Variants in TMEM117 observed in about 807,000 individuals in gnomAD.
The protein encoded by TMEM117 is transmembrane protein 117.
Under a neutral mutation model 52.4 loss-of-function variants are expected in TMEM117, and 27 were observed. The observed-to-expected ratio is 0.51, with a 90% CI of 0.38 to 0.71. TMEM117 has a LOEUF of 0.71. TMEM117 is among the 30% of genes least tolerant of loss of function. The pLI, the probability that TMEM117 is intolerant of heterozygous loss-of-function variation, is 0.00. For synonymous variants in TMEM117, 215 were observed against 206.3 expected, an observed-to-expected ratio of 1.04 and a Z score of -0.36; for missense variants, 556 against 630.5, an observed-to-expected ratio of 0.88 and a Z score of 1.26.
At chr12:44,217,936 A>G (rs1949738777) in intron 5 of TMEM117, among the ~76,000 whole-genome samples, 1 of 152,116 alleles carries the variant, frequency 6.6e-6, no homozygotes, top group South Asian at 2.1e-4. Context: ...AATACTAGCA[A>G]ACCAGGCTGG....
chr12:43,895,873 TATTTTCTAAACAGGCTCAAAAC>T (rs66720228), intron 2 of TMEM117, among the ~76,000 whole-genome samples: 108,962 of 152,068 alleles, frequency 0.72, 42,160 homozygotes, highest in East Asian at 0.87. Flanking sequence ...TGAATATTGT[TATTTTCTAAACAGGCTCAAAAC>T]ATTCTCATAA....
At chr12:43,872,301 G>A (rs1943719838) in intron 2 of TMEM117, among the ~76,000 whole-genome samples, 1 of 152,092 alleles carries the variant, frequency 6.6e-6, no homozygotes, top group African/African-American at 2.4e-5. Context: ...AGATTGGCTT[G>A]AAAACAATAT....
intron 5 of TMEM117, among the ~76,000 whole-genome samples, chr12:44,273,939 T>G (rs1223007801): frequency 5.0e-4 from 76 of 152,210 alleles, no homozygotes; most frequent in Admixed American, 5.0e-3. Context: ...TTCAACACTG[T>G]TGGTCAACAT....
At chr12:44,296,057 G>GAATT (rs1950764946) in intron 5 of TMEM117, among the ~76,000 whole-genome samples, 1 of 152,104 alleles carries the variant, frequency 6.6e-6, no homozygotes, top group Non-Finnish European at 1.5e-5. Context: ...ATTTTAACTG[G>GAATT]GTCACGAGAC....
chr12:44,183,412 A>G (rs983598403), intron 4 of TMEM117, among the ~76,000 whole-genome samples: 3 of 152,206 alleles, frequency 2.0e-5, no homozygotes, highest in Non-Finnish European at 2.9e-5. Context: ...GCTGGGTGTG[A>G]TTAATTATAA....
At chr12:43,984,993 TTCTC>T (rs1945824264) in intron 3 of TMEM117, among the ~76,000 whole-genome samples, 1 of 151,198 alleles carries the variant, frequency 6.6e-6, no homozygotes, top group Non-Finnish European at 1.5e-5. Context: ...TATTTGCAAC[TTCTC>T]TCTTTGAGAT....
intron 3 of TMEM117, among the ~76,000 whole-genome samples, chr12:44,013,405 G>T (rs1252087829): frequency 6.6e-6 from 1 of 152,170 alleles, no homozygotes; most frequent in Non-Finnish European, 1.5e-5. Context: ...CCCAACTTAG[G>T]CTGGATATGA....
intron 3 of TMEM117, among the ~76,000 whole-genome samples, chr12:44,107,136 CTTAG>C (rs1015018107): frequency 3.9e-5 from 6 of 152,014 alleles, no homozygotes; most frequent in Non-Finnish European, 8.8e-5. Context: ...AATTATCTCA[CTTAG>C]TTCTCAAAAT....
chr12:43,931,934 C>T (rs1944877334), intron 2 of TMEM117, among the ~76,000 whole-genome samples: 1 of 152,142 alleles, frequency 6.6e-6, no homozygotes, highest in Non-Finnish European at 1.5e-5. Context: ...TTTATTTTCT[C>T]AGTGTTTTTA....
intron 6 of TMEM117, 52 bp from the exon 7 acceptor site, chr12:44,376,543 T>C: frequency 6.4e-7 from 1 of 1,573,854 alleles, no homozygotes; most frequent in Non-Finnish European, 8.6e-7. Context: ...GGTGTTTTGC[T>C]GCTTAGGAAT....
At chr12:43,837,487 C>T (rs1434254349) in intron 1 of TMEM117, among the ~76,000 whole-genome samples, 1 of 152,102 alleles carries the variant, frequency 6.6e-6, no homozygotes, top group Non-Finnish European at 1.5e-5. Context: ...GCTGGGATTA[C>T]AGGCGCGCGC....
intron 2 of TMEM117, among the ~76,000 whole-genome samples, chr12:43,878,842 A>G (rs1208245241): frequency 6.6e-6 from 1 of 152,226 alleles, no homozygotes; most frequent in Non-Finnish European, 1.5e-5. Flanking sequence ...TGATCATTCA[A>G]TGTCTGTGAA....
chr12:43,912,000 C>T (rs9738493), intron 2 of TMEM117, among the ~76,000 whole-genome samples: 49,836 of 55,220 alleles, frequency 0.9, 22,980 homozygotes, highest in East Asian at 1. Flanking sequence ...TTACTGGGTA[C>T]ATACCCAAAG....
chr12:44,151,971 G>A (rs1948734902), intron 4 of TMEM117, among the ~76,000 whole-genome samples: 1 of 107,764 alleles, frequency 9.3e-6, no homozygotes, highest in Non-Finnish European at 1.7e-5. Flanking sequence ...ATAAATATAA[G>A]TATATATTTA....
intron 7 of TMEM117, among the ~76,000 whole-genome samples, chr12:44,382,445 T>C (rs1376517067): frequency 1.3e-5 from 2 of 152,236 alleles, no homozygotes; most frequent in Admixed American, 6.5e-5. Context: ...AAAACTTCTC[T>C]TTTCGTATTT....
intron 6 of TMEM117, among the ~76,000 whole-genome samples, chr12:44,366,207 A>G (rs1951786981): frequency 6.6e-6 from 1 of 152,064 alleles, no homozygotes; most frequent in South Asian, 2.1e-4. Context: ...TGTGGAATCT[A>G]TAAAACATAT....
chr12:44,016,591 G>T (rs1353540429), intron 3 of TMEM117, among the ~76,000 whole-genome samples: 2 of 152,134 alleles, frequency 1.3e-5, no homozygotes, highest in Non-Finnish European at 2.9e-5. Context: ...TAAACTAGAT[G>T]GGAAACAATA....
At chr12:43,858,229 G>A (rs1338972930) in intron 2 of TMEM117, among the ~76,000 whole-genome samples, 1 of 152,200 alleles carries the variant, frequency 6.6e-6, no homozygotes, top group East Asian at 1.9e-4. Flanking sequence ...CATAACAGTA[G>A]CCAGCAGTAA....
chr12:44,247,357 C>G (rs189811974), intron 5 of TMEM117, among the ~76,000 whole-genome samples: 7 of 152,112 alleles, frequency 4.6e-5, no homozygotes, highest in Admixed American at 2.6e-4. Context: ...CAGGATGAGA[C>G]GGCAACATTT....
Sources: allele counts gnomAD v4.1 joint callset (sites outside exome capture counted in the v4.1 genomes callset), GRCh38; gene constraint gnomAD v4.1.1; transcripts MANE v1.5; gene names NCBI Gene and HGNC (gene_info 2026-07-23, HGNC 2026-07-21).